The following C3orf20 variants were observed in gnomAD, a reference collection of about 807,000 sequenced individuals.
C3orf20 encodes family with sequence similarity 149 member C, also known as uncharacterized protein C3orf20.
In C3orf20, 76 loss-of-function variants were observed where a neutral mutation model predicts 88.3. That is an observed-to-expected ratio of 0.86 (90% CI 0.72 to 1.04). C3orf20 has a LOEUF of 1.04. C3orf20 is among the 50% of genes least tolerant of loss of function. The pLI, the probability that C3orf20 is intolerant of heterozygous loss-of-function variation, is 0.00. For missense variants in C3orf20, 1,056 were observed against 1,123.3 expected, an observed-to-expected ratio of 0.94 and a Z score of 0.86; for synonymous variants, 436 against 437.4, an observed-to-expected ratio of 1.00 and a Z score of 0.04.
intron 12 of C3orf20, among the ~76,000 whole-genome samples, chr3:14,729,597 A>G (rs919679251): frequency 2.6e-5 from 4 of 152,122 alleles, no homozygotes; most frequent in East Asian, 1.9e-4. Flanking sequence ...CCCAGGCTGG[A>G]GTGCAGTGGC....
At chr3:14,713,535 G>A (rs924944970) in intron 7 of C3orf20, among the ~76,000 whole-genome samples, 1 of 152,178 alleles carries the variant, frequency 6.6e-6, no homozygotes, top group Non-Finnish European at 1.5e-5. Flanking sequence ...GTCAGAAGTG[G>A]GAGCAGCCTG....
intron 5 of C3orf20, among the ~76,000 whole-genome samples, chr3:14,691,098 C>T (rs1187697536): frequency 6.6e-6 from 1 of 152,238 alleles, no homozygotes; most frequent in African/African-American, 2.4e-5. Context: ...CACTTGCTAA[C>T]TGTCAGTCTC....
At chr3:14,761,434 T>C (rs1285324989) in intron 14 of C3orf20, 39 bp from the exon 15 acceptor site, 3 of 1,612,974 alleles carry the variant, frequency 1.9e-6, no homozygotes, top group African/African-American at 1.3e-5. Context: ...GCTGTGCTGA[T>C]GTGCTGAGGA....
chr3:14,683,613 C>T (rs1406210272), intron 3 of C3orf20, among the ~76,000 whole-genome samples: 2 of 152,052 alleles, frequency 1.3e-5, no homozygotes, highest in African/African-American at 4.8e-5. Flanking sequence ...CGCGGTGGCT[C>T]ACCCCTGTAA....
intron 12 of C3orf20, among the ~76,000 whole-genome samples, chr3:14,729,455 G>A (rs373279497): frequency 5.3e-5 from 8 of 152,168 alleles, no homozygotes; most frequent in South Asian, 2.1e-4. Flanking sequence ...ACAACGACAC[G>A]AATTGACGAC....
chr3:14,746,188 T>C (rs2035052300), intron 12 of C3orf20, among the ~76,000 whole-genome samples: 1 of 152,224 alleles, frequency 6.6e-6, no homozygotes, highest in African/African-American at 2.4e-5. Flanking sequence ...CAGTCTTTGA[T>C]ATGTCCAATA....
chr3:14,737,472 G>A (rs2034754308), intron 12 of C3orf20, among the ~76,000 whole-genome samples: 1 of 152,188 alleles, frequency 6.6e-6, no homozygotes, highest in African/African-American at 2.4e-5. Flanking sequence ...ATATACTATA[G>A]TCTATTAAGT....
intron 7 of C3orf20, among the ~76,000 whole-genome samples, chr3:14,712,828 G>A (rs2033803694): frequency 6.6e-6 from 1 of 152,038 alleles, no homozygotes; most frequent in Admixed American, 6.5e-5. Context: ...TTTTTTTGCA[G>A]GGCAGGTCTA....
intron 12 of C3orf20, among the ~76,000 whole-genome samples, chr3:14,742,130 A>C (rs2034917855): frequency 6.6e-6 from 1 of 152,242 alleles, no homozygotes; most frequent in Non-Finnish European, 1.5e-5. Flanking sequence ...AGTTGGTGCA[A>C]AAGTAATTGC....
chr3:14,713,768 T>A (rs987800835), intron 7 of C3orf20, among the ~76,000 whole-genome samples: 2 of 152,202 alleles, frequency 1.3e-5, no homozygotes, highest in Non-Finnish European at 2.9e-5. Flanking sequence ...GAGAGGAAGA[T>A]AATACTACCT....
intron 15 of C3orf20, among the ~76,000 whole-genome samples, chr3:14,770,827 T>C (rs561098929): frequency 6.6e-6 from 1 of 152,356 alleles, no homozygotes; most frequent in South Asian, 2.1e-4. Flanking sequence ...TTCGGGGCCC[T>C]TGTCAGGAAA....
chr3:14,704,762 T>C, intron 7 of C3orf20, 144 bp downstream of exon 7: 1 of 992,988 alleles, frequency 1.0e-6, no homozygotes, highest in Non-Finnish European at 1.5e-6. Flanking sequence ...TAAGAGCTTG[T>C]CTAGATCAGA....
At chr3:14,706,228 A>G (rs1429016885) in intron 7 of C3orf20, among the ~76,000 whole-genome samples, 1 of 152,106 alleles carries the variant, frequency 6.6e-6, no homozygotes, top group Admixed American at 6.5e-5. Context: ...CAGACCGTAT[A>G]TGAATCCATT....
At chr3:14,675,586 TAGTA>T (rs1374134534) in intron 1 of C3orf20, among the ~76,000 whole-genome samples, 5 of 152,192 alleles carry the variant, frequency 3.3e-5, no homozygotes, top group African/African-American at 1.2e-4. Flanking sequence ...TAGTCACTCA[TAGTA>T]AGTGTGTGTT....
At chr3:14,761,191 T>A (rs2035550440) in intron 14 of C3orf20, among the ~76,000 whole-genome samples, 1 of 151,150 alleles carries the variant, frequency 6.6e-6, no homozygotes, top group South Asian at 2.1e-4. Context: ...CTCCTCAGGT[T>A]GCCCAGGGAG....
chr3:14,751,887 G>C (rs1187373503), intron 12 of C3orf20, among the ~76,000 whole-genome samples: 1 of 152,212 alleles, frequency 6.6e-6, no homozygotes, highest in Non-Finnish European at 1.5e-5. Context: ...AATCAATATT[G>C]TGAAAATGGC....
intron 12 of C3orf20, among the ~76,000 whole-genome samples, chr3:14,744,602 A>T (rs1397937600): frequency 6.6e-6 from 1 of 151,982 alleles, no homozygotes; most frequent in Non-Finnish European, 1.5e-5. Flanking sequence ...TGATAAAAAC[A>T]TACTCGAAAC....
At chr3:14,718,387 T>TTAG (rs1373969516) in intron 9 of C3orf20, among the ~76,000 whole-genome samples, 3 of 152,206 alleles carry the variant, frequency 2.0e-5, no homozygotes, top group Non-Finnish European at 4.4e-5. Context: ...GAATTTCCAC[T>TTAG]TAGTTACTTT....
In C3orf20 at chr3:14,701,150, T is replaced by C. The variant is rs944594575; in HGVS notation, c.746-1980T>C. ...GGTCGCTGGACCTCAGGCCCTAGGC[T>C]TGAGTTCAGGGTTCAGTCTCTGGTC... On this transcript the variant is annotated intron_variant, in intron 5 of 16. Coordinates refer to ENST00000253697, the MANE Select transcript of C3orf20 (RefSeq NM_032137.5). This position sits in a 1 kb window ranked among gnomAD's most constrained non-coding sequence, Gnocchi z 4.6. 2.6e-5 allele frequency among the ~76,000 whole-genome samples: 4 copies of C among 152,150 alleles called. No individual in the cohort carries two copies. The highest frequency in any genetic ancestry group is 5.9e-5 in the Non-Finnish European group (4 of 68,026).
Sources: allele counts gnomAD v4.1 joint callset (sites outside exome capture counted in the v4.1 genomes callset), GRCh38; gene constraint gnomAD v4.1.1; non-coding constraint Gnocchi (gnomAD v3.1); transcripts MANE v1.5; gene names NCBI Gene and HGNC (gene_info 2026-07-23, HGNC 2026-07-21).